Variants in SGK3 observed in about 807,000 individuals in gnomAD.
SGK3 encodes the protein serum/glucocorticoid regulated kinase family member 3.
SGK3 carries 47 observed loss-of-function variants against 68.5 expected under a neutral mutation model. The ratio of observed to expected loss-of-function variants is 0.69; its 90% CI spans 0.54 to 0.87. The LOEUF is 0.87. Among genes scored for constraint, SGK3 ranks in the 40% least tolerant of loss-of-function variants. The pLI, the probability that SGK3 is intolerant of heterozygous loss-of-function variation, is 0.00. For synonymous variants in SGK3, 181 were observed against 189.1 expected, an observed-to-expected ratio of 0.96 and a Z score of 0.35; for missense variants, 479 against 575.5, an observed-to-expected ratio of 0.83 and a Z score of 1.72.
intron 1 of SGK3, among the ~76,000 whole-genome samples, chr8:66,770,942 G>T (rs1442097162): frequency 2.0e-5 from 3 of 152,178 alleles, no homozygotes; most frequent in Non-Finnish European, 4.4e-5. Context: ...TCTGAAAGTA[G>T]TAAGCTGCGG....
intron 1 of SGK3, among the ~76,000 whole-genome samples, chr8:66,723,129 A>AATT (rs1804868128): frequency 1.2e-4 from 5 of 40,604 alleles, no homozygotes; most frequent in Non-Finnish European, 2.3e-4. Context: ...ATATATATAT[A>AATT]TATTTTTTTT....
At chr8:66,842,726 C>A (rs892941350) in intron 13 of SGK3, among the ~76,000 whole-genome samples, 7 of 151,990 alleles carry the variant, frequency 4.6e-5, no homozygotes, top group Non-Finnish European at 1.0e-4. Context: ...GATGAGAATG[C>A]AATTCTTTCT....
chr8:66,746,687 GGGACTATA>G (rs1443364456), intron 1 of SGK3, among the ~76,000 whole-genome samples: 1 of 151,944 alleles, frequency 6.6e-6, no homozygotes, highest in African/African-American at 2.4e-5. Context: ...CTGAGTGACT[GGGACTATA>G]GGCACACGCC....
chr8:66,859,917 GT>G lies in SGK3; in HGVS notation c.*342del, dbSNP rs757817309. 2 of 174,576 alleles carry G rather than the reference GT, an allele frequency of 1.1e-5. No individual in the cohort carries two copies. Among genetic ancestry groups the G allele is most frequent in the African/African-American group, 2.4e-5 (1 of 42,148 alleles). 10.8% of individuals were successfully genotyped at this position (174,576 alleles called of 1,614,324 possible). A position where few individuals can be genotyped will look rare whatever the true frequency, so the allele number is the denominator to read the frequency against. On this transcript the variant is annotated 3_prime_UTR_variant, in exon 17 of 17. Coordinates refer to ENST00000521198, the MANE Select transcript of SGK3 (RefSeq NM_001033578.3). The stretch of plus-strand genomic sequence containing the variant: ...CACTAACATCTACCCAAGATAGACT[GT>G]TTTTTAACAGTCAATTTCAGTTCAG...
chr8:66,716,546 T>A (rs1473990028), intron 1 of SGK3, among the ~76,000 whole-genome samples: 1 of 115,530 alleles, frequency 8.7e-6, no homozygotes, highest in Non-Finnish European at 1.7e-5. Context: ...TAAAGCAAAA[T>A]CTGCTTTCTT....
At position 66,860,637 on chromosome 8, in the gene SGK3, A is replaced by G. The variant is rs1408425001; in HGVS notation, c.*1056A>G. 1 of 152,158 alleles carries G rather than the reference A, an allele frequency of 6.6e-6. No individual in the cohort carries two copies. Among genetic ancestry groups the G allele is most frequent in the East Asian group, 1.9e-4 (1 of 5,198 alleles). 9.4% of individuals were successfully genotyped at this position (152,158 alleles called of 1,614,324 possible). A position where few individuals can be genotyped will look rare whatever the true frequency, so the allele number is the denominator to read the frequency against. ...TTTTTTAAGGTGGTACCAAAAATGA[A>G]TGTCTGTCATATATTTATATTACAA... On this transcript the variant is annotated 3_prime_UTR_variant, in exon 17 of 17. Transcript: ENST00000521198.
At chr8:66,721,287 G>C (rs975370864) in intron 1 of SGK3, among the ~76,000 whole-genome samples, 1 of 152,200 alleles carries the variant, frequency 6.6e-6, no homozygotes, top group Non-Finnish European at 1.5e-5. Context: ...GTGTATAGCA[G>C]GTGTGGGCTC....
At chr8:66,768,061 G>T in intron 1 of SGK3, 1 of 569,246 alleles carries the variant, frequency 1.8e-6, no homozygotes, top group Non-Finnish European at 3.2e-6. Flanking sequence ...ATTTATTACA[G>T]TCTATCTTCA....
At position 66,757,497 on chromosome 8, in the gene SGK3, A is replaced by G. The variant is rs560977373; in HGVS notation, c.-121-36119A>G. On this transcript the variant is annotated intron_variant, in intron 1 of 16. Transcript: ENST00000521198. Reference sequence around the variant, plus strand: ...TTGTATGGGCCAGTGTTTCTCAAACATTTTGGTCTCACAGAACTCCTTACA... The same window carrying G: ...TTGTATGGGCCAGTGTTTCTCAAACGTTTTGGTCTCACAGAACTCCTTACA... 8.5e-5 allele frequency among the ~76,000 whole-genome samples: 13 copies of G among 152,068 alleles called. 1 individual carries two copies. The South Asian group carries it at 2.7e-3, about 32-fold the overall frequency.
chr8:66,852,279 T>C (rs1321567062), intron 16 of SGK3, among the ~76,000 whole-genome samples: 1 of 131,024 alleles, frequency 7.6e-6, no homozygotes, highest in African/African-American at 2.9e-5. Context: ...AAGGAATCCT[T>C]TTTTTTTTTT....
chr8:66,858,965 T>A (rs142651998), intron 16 of SGK3, among the ~76,000 whole-genome samples: 54 of 152,218 alleles, frequency 3.5e-4, no homozygotes, highest in African/African-American at 1.2e-3. Context: ...GAAAAGCGTT[T>A]CAAGGGAATG....
In SGK3 at chr8:66,780,791, G is replaced by A. The variant is rs1009435790; in HGVS notation, c.-121-12825G>A. ...TTTATTCTAAGAGTGATGGGAAGCC[G>A]TGGAAAGGGGGTTAAGCAAGGAGTG... On this transcript the variant is annotated intron_variant, in intron 1 of 16. Coordinates refer to ENST00000521198, the MANE Select transcript of SGK3 (RefSeq NM_001033578.3). Among the ~76,000 whole-genome samples the A allele has an allele frequency of 3.9e-5, 6 of 152,274 alleles. No individual in the cohort carries two copies. In the East Asian group the frequency reaches 5.8e-4, roughly 15 times the overall value.
chr8:66,834,734 C>A (rs575290798), intron 8 of SGK3, among the ~76,000 whole-genome samples: 54 of 151,930 alleles, frequency 3.6e-4, no homozygotes, highest in Non-Finnish European at 7.4e-4. Flanking sequence ...GAAATCGAGA[C>A]CGTCCTGGCT....
At chr8:66,790,450 T>C (rs1055649911) in intron 1 of SGK3, among the ~76,000 whole-genome samples, 4 of 152,204 alleles carry the variant, frequency 2.6e-5, no homozygotes, top group Admixed American at 6.5e-5. Flanking sequence ...CTTAGCCTCA[T>C]CTATGCCTAC....
At chr8:66,798,031 A>G (rs569329143) in intron 2 of SGK3, among the ~76,000 whole-genome samples, 90 of 150,178 alleles carry the variant, frequency 6.0e-4, no homozygotes, top group African/African-American at 2.1e-3. Flanking sequence ...TTTCCAAGTC[A>G]TGATCTCGCT....
rs61222034 is a variant in SGK3 at position 66,751,742 on chromosome 8, TTTTA to T, written c.-122+38945_-122+38948del. Among the ~76,000 whole-genome samples the T allele has an allele frequency of 2.5e-3, 364 of 147,860 alleles. 1 individual carries two copies. Among genetic ancestry groups the T allele is most frequent in the Middle Eastern group, 0.014 (4 of 290 alleles). ...ATCTCTGATTATTAAAAATCATTCA[TTTTA>T]TTTATTTATTTATTTATTTATTTAT... On this transcript the variant is annotated intron_variant, in intron 1 of 16. Coordinates refer to ENST00000521198, the MANE Select transcript of SGK3 (RefSeq NM_001033578.3).
intron 1 of SGK3, among the ~76,000 whole-genome samples, chr8:66,758,638 T>C (rs573528319): frequency 6.6e-6 from 1 of 152,152 alleles, no homozygotes; most frequent in Non-Finnish European, 1.5e-5. Flanking sequence ...CTTGGCTAAG[T>C]AGTAGCTTCT....
rs571101963 is a variant in SGK3 at position 66,811,117 on chromosome 8, G to A, written c.254-2736G>A. On this transcript the variant is annotated intron_variant, in intron 4 of 16. Coordinates refer to ENST00000521198, the MANE Select transcript of SGK3 (RefSeq NM_001033578.3). ...CTGCAACCTCTGCCTCCCAACTCAG[G>A]TGATCCTCCCACCTCAGCCTGCTGA... 1.3e-4 allele frequency among the ~76,000 whole-genome samples: 20 copies of A among 152,276 alleles called. No homozygotes were observed. The South Asian group carries it at 4.1e-3, about 32-fold the overall frequency.
At position 66,717,972 on chromosome 8, in the gene SGK3, A is replaced by C. The variant is rs977043222; in HGVS notation, c.-122+5139A>C. Reference sequence around the variant, plus strand: ...CGCCTTGGCCTCCCAAAGTGCTGGGATTACAGGCGTGAGCCACTGCGCCCG... The same window carrying C: ...CGCCTTGGCCTCCCAAAGTGCTGGGCTTACAGGCGTGAGCCACTGCGCCCG... On this transcript the variant is annotated intron_variant, in intron 1 of 16. Coordinates refer to ENST00000521198, the MANE Select transcript of SGK3 (RefSeq NM_001033578.3). Among the ~76,000 whole-genome samples the C allele has an allele frequency of 4.0e-5, 6 of 151,752 alleles. No individual in the cohort carries two copies. The East Asian group carries it at 1.2e-3, about 29-fold the overall frequency.
Sources: allele counts gnomAD v4.1 joint callset (sites outside exome capture counted in the v4.1 genomes callset), GRCh38; gene constraint gnomAD v4.1.1; transcripts MANE v1.5; gene names NCBI Gene and HGNC (gene_info 2026-07-23, HGNC 2026-07-21).